Variants in FAS observed in about 807,000 individuals in gnomAD.
The protein encoded by FAS is Fas cell surface death receptor.
FAS carries 5 observed loss-of-function variants against 33.2 expected under a neutral mutation model. The observed-to-expected ratio is 0.15, with a 90% CI of 0.08 to 0.32. The LOEUF is 0.32. Ranked by LOEUF, FAS falls within the 10% of genes least tolerant of loss-of-function variation. FAS has a pLI of 1.00. For missense variants in FAS, 339 were observed against 386.0 expected, an observed-to-expected ratio of 0.88 and a Z score of 1.02; for synonymous variants, 131 against 130.7, an observed-to-expected ratio of 1.00 and a Z score of -0.01.
Position 89,014,806 on chromosome 10 carries a change from A to G in FAS, c.*356A>G. 1 of 548,952 alleles carries G rather than the reference A, an allele frequency of 1.8e-6. No individual in the cohort carries two copies. Among genetic ancestry groups the G allele is most frequent in the Non-Finnish European group, 3.5e-6 (1 of 286,970 alleles). 34.0% of individuals were successfully genotyped at this position (548,952 alleles called of 1,614,324 possible). ...AGTACAAATGTCTATCCACAGGCTA[A>G]CCCCACTCTATGAATCAATAGAAGA... On this transcript the variant is annotated 3_prime_UTR_variant, in exon 9 of 9. Coordinates refer to ENST00000652046, the MANE Select transcript of FAS (RefSeq NM_000043.6).
At chr10:89,008,765 TG>T in intron 3 of FAS, 123 bp from the exon 4 acceptor site, 1 of 865,592 alleles carries the variant, frequency 1.2e-6, no homozygotes, top group Non-Finnish European at 2.0e-6. Flanking sequence ...GTATTACTGG[TG>T]TCATGCTGTG....
At chr10:88,982,506 G>A (rs1421529764), upstream of FAS, among the ~76,000 whole-genome samples, 2 of 151,700 alleles carry the variant, frequency 1.3e-5, no homozygotes, top group Non-Finnish European at 2.9e-5. Flanking sequence ...CATGTCCCAC[G>A]ACAGAAATAA....
Position 89,015,559 on chromosome 10 carries a change from C to G in FAS, c.*1109C>G, listed in dbSNP as rs1347439192. Reference sequence around the variant, plus strand: ...CCAAGTTTCTAAGATTTAAGATTCTCCTTACTACTATCCTACGTTTAAATA... The same window carrying G: ...CCAAGTTTCTAAGATTTAAGATTCTGCTTACTACTATCCTACGTTTAAATA... On this transcript the variant is annotated 3_prime_UTR_variant, in exon 9 of 9. Coordinates refer to ENST00000652046, the MANE Select transcript of FAS (RefSeq NM_000043.6). 1.9e-6 allele frequency: 1 copy of G among 532,928 alleles called. No individual in the cohort carries two copies. Among genetic ancestry groups the G allele is most frequent in the Non-Finnish European group, 3.6e-6 (1 of 276,154 alleles). 33.0% of individuals were successfully genotyped at this position (532,928 alleles called of 1,614,324 possible). A position where few individuals can be genotyped will look rare whatever the true frequency, so the allele number is the denominator to read the frequency against.
At chr10:89,009,965 A>G (rs1316707229) in intron 4 of FAS, among the ~76,000 whole-genome samples, 1 of 152,196 alleles carries the variant, frequency 6.6e-6, no homozygotes, top group Non-Finnish European at 1.5e-5. Context: ...TCACCTAGTC[A>G]GGTAATGGGC....
intron 1 of FAS, among the ~76,000 whole-genome samples, chr10:88,968,544 G>A (rs920992586): frequency 1.3e-5 from 2 of 152,104 alleles, no homozygotes; most frequent in African/African-American, 4.8e-5. Context: ...CATGTTTGTC[G>A]GTAGAGTACT....
In FAS at chr10:88,973,223, G is replaced by A. The variant is rs755517619; in HGVS notation, n.136G>A. 5.0e-6 allele frequency: 8 copies of A among 1,612,360 alleles called. No homozygotes were observed. The Admixed American group carries it at 1.2e-4, about 24-fold the overall frequency. ...CTGGGATAATTTCTGGCACTGCTTT[G>A]GAGATGGAGCCCCTGAAAATTGGCT... On this transcript the variant is annotated non_coding_transcript_exon_variant, in exon 2 of 4. Transcript: ENST00000688239.
At chr10:88,985,635 GGT>G (rs1489601735), upstream of FAS, among the ~76,000 whole-genome samples, 5 of 152,138 alleles carry the variant, frequency 3.3e-5, no homozygotes, top group Admixed American at 2.0e-4. Flanking sequence ...CTGGTGCCCT[GGT>G]AAAGAGTCCC....
rs1848627354 is a variant in FAS, at chr10:89,013,382, AT to A, written c.676+19del. On this transcript the variant is annotated intron_variant, in intron 8 of 8. Coordinates refer to ENST00000652046, the MANE Select transcript of FAS (RefSeq NM_000043.6). Reference sequence around the variant, plus strand: ...AAATTTATCTGGTAAGGCTTTTATCATTTTATTTCATAGAGATGGCATCCTT... The same window carrying A: ...AAATTTATCTGGTAAGGCTTTTATCATTTATTTCATAGAGATGGCATCCTT... The A allele has an allele frequency of 6.2e-7, 1 of 1,610,850 alleles. No individual in the cohort carries two copies. The highest frequency in any genetic ancestry group is 1.3e-5 in the African/African-American group (1 of 74,850).
chr10:88,979,581 A>C (rs1226276011), intron 2 of FAS, among the ~76,000 whole-genome samples: 1 of 151,244 alleles, frequency 6.6e-6, no homozygotes, highest in African/African-American at 2.4e-5. Context: ...GTTCTCTCTC[A>C]CTCTCCCTCT....
rs746698724 is a variant in FAS, at chr10:89,015,301, G to T, written c.*851G>T. On this transcript the variant is annotated 3_prime_UTR_variant, in exon 9 of 9. Coordinates refer to ENST00000652046, the MANE Select transcript of FAS (RefSeq NM_000043.6). ...TAATAGTCCACCAAAAGGCAAGACT[G>T]CCCTTAGAAATTCTAGCCTGGTTTG... 1.9e-6 allele frequency: 1 copy of T among 534,750 alleles called. No individual in the cohort carries two copies. The highest frequency in any genetic ancestry group is 1.5e-5 in the South Asian group (1 of 65,164). The allele number at this position is 534,750 out of a possible 1,614,324, so 33.1% of individuals were successfully genotyped here. A position where few individuals can be genotyped will look rare whatever the true frequency, so the allele number is the denominator to read the frequency against.
At chr10:88,998,869 A>T (rs1847755100) in intron 1 of FAS, among the ~76,000 whole-genome samples, 1 of 152,158 alleles carries the variant, frequency 6.6e-6, no homozygotes, top group Non-Finnish European at 1.5e-5. Context: ...TACAAAAAAA[A>T]ATTCGGCCGG....
intron 2 of FAS, among the ~76,000 whole-genome samples, chr10:88,979,569 C>A (rs1237234359): frequency 4.6e-5 from 7 of 152,026 alleles, no homozygotes; most frequent in South Asian, 2.1e-4. Flanking sequence ...CACACTAGGG[C>A]TGTTCTCTCT....
chr10:88,965,006 T>G (rs1846295884), intron 1 of FAS, among the ~76,000 whole-genome samples: 2 of 152,282 alleles, frequency 1.3e-5, no homozygotes, highest in Non-Finnish European at 2.9e-5. Flanking sequence ...GCCCTGTGTA[T>G]TCTATTTCCA....
upstream of FAS, among the ~76,000 whole-genome samples, chr10:88,984,740 G>C (rs1403606750): frequency 6.6e-6 from 1 of 151,816 alleles, no homozygotes; most frequent in Admixed American, 6.6e-5. Context: ...GGAAGAGACA[G>C]AGTGAAAGGG....
intron 2 of FAS, among the ~76,000 whole-genome samples, 196 bp from the exon 3 acceptor site, chr10:89,007,504 T>C (rs953097887): frequency 6.6e-6 from 1 of 152,220 alleles, no homozygotes; most frequent in Non-Finnish European, 1.5e-5. Flanking sequence ...CTTTTAGCTT[T>C]TGTCTTGGGA....
rs184316328 is a variant in FAS, at chr10:89,004,017, T to C, written c.196+823T>C. Among the ~76,000 whole-genome samples, 33 of 152,310 alleles carry C rather than the reference T, an allele frequency of 2.2e-4. 1 individual carries two copies. The East Asian group carries it at 5.6e-3, about 26-fold the overall frequency. The stretch of plus-strand genomic sequence containing the variant: ...CATGTCCAGATTTTAATAACCGTTA[T>C]GGAAAAATCTCCCCTATAACCCAAC... On this transcript the variant is annotated intron_variant, in intron 2 of 8. Transcript: ENST00000652046.
chr10:88,990,308 T>C (rs1847083874), upstream of FAS, among the ~76,000 whole-genome samples: 1 of 152,202 alleles, frequency 6.6e-6, no homozygotes, highest in African/African-American at 2.4e-5. The surrounding 1 kb of genome is among the most constrained non-coding windows in gnomAD (Gnocchi z 4.9). Flanking sequence ...CCAAGGCTCC[T>C]GTACCCAGGC....
intron 2 of FAS, among the ~76,000 whole-genome samples, chr10:89,005,146 A>G (rs1437375741): frequency 7.9e-6 from 1 of 126,620 alleles, no homozygotes; most frequent in Admixed American, 9.3e-5. Flanking sequence ...GATTATTGGT[A>G]TGTTTATGTT....
At chr10:88,986,842 T>C (rs1207551439), upstream of FAS, among the ~76,000 whole-genome samples, 1 of 152,222 alleles carries the variant, frequency 6.6e-6, no homozygotes, top group Non-Finnish European at 1.5e-5. Flanking sequence ...ATCTGAACTG[T>C]GACCCCCAAA....
Sources: allele counts gnomAD v4.1 joint callset (sites outside exome capture counted in the v4.1 genomes callset), GRCh38; gene constraint gnomAD v4.1.1; non-coding constraint Gnocchi (gnomAD v3.1); transcripts MANE v1.5; gene names NCBI Gene and HGNC (gene_info 2026-07-23, HGNC 2026-07-21).